MTF1: variants seen among roughly 807,000 people sequenced by gnomAD.
MTF1 encodes the protein MRE-binding transcription factor.
MTF1 carries 22 observed loss-of-function variants against 70.4 expected under a neutral mutation model. That is an observed-to-expected ratio of 0.31 (90% CI 0.22 to 0.45). MTF1 has a LOEUF of 0.45. Among genes scored for constraint, MTF1 ranks in the 20% least tolerant of loss-of-function variants. MTF1 has a pLI of 1.00. For synonymous variants in MTF1, 333 were observed against 352.8 expected (o/e 0.94, Z 0.63); for missense variants, 649 against 922.0 (o/e 0.70, Z 3.83).
At chr1:37,844,880 T>C (rs1056860561) in intron 2 of MTF1, among the ~76,000 whole-genome samples, 1 of 152,208 alleles carries the variant, frequency 6.6e-6, no homozygotes, top group South Asian at 2.1e-4. Flanking sequence ...GGCATCCTAA[T>C]TATAGGTTTT....
chr1:37,823,839 A>T lies in MTF1; in HGVS notation c.1069-27T>A, dbSNP rs1371715147. On this transcript the variant is annotated intron_variant, in intron 7 of 10. Transcript: ENST00000373036. ...TGATGGAGAGAGACAAAGATGTGAG[A>T]TTGGCCATCTTGAGACAATTCTTCA... is the stretch of plus-strand genomic sequence containing the variant. 2.6e-6 allele frequency: 4 copies of T among 1,544,010 alleles called. No individual in the cohort carries two copies. The Middle Eastern group carries it at 6.7e-4, about 260-fold the overall frequency.
At chr1:37,827,123 C>T (rs1641013992) in intron 7 of MTF1, among the ~76,000 whole-genome samples, 1 of 152,082 alleles carries the variant, frequency 6.6e-6, no homozygotes, top group Non-Finnish European at 1.5e-5. Flanking sequence ...ATATTATATA[C>T]ATATCCATAT....
chr1:37,831,880 G>A (rs1224642109), intron 7 of MTF1, among the ~76,000 whole-genome samples: 1 of 152,138 alleles, frequency 6.6e-6, no homozygotes, highest in Non-Finnish European at 1.5e-5. Context: ...CTAGAATTCT[G>A]GTTATGTCTT....
At chr1:37,827,366 A>T (rs1378276003) in intron 7 of MTF1, among the ~76,000 whole-genome samples, 1 of 140,914 alleles carries the variant, frequency 7.1e-6, no homozygotes, top group Non-Finnish European at 1.6e-5. Flanking sequence ...TATTATTATT[A>T]TTATTATTTG....
At chr1:37,850,151 C>A (rs779145844) in intron 2 of MTF1, among the ~76,000 whole-genome samples, 1 of 143,476 alleles carries the variant, frequency 7.0e-6, no homozygotes, top group African/African-American at 2.6e-5. Flanking sequence ...GGTGGCAGGA[C>A]GGCTTGAGCC....
rs115476368 is a variant in MTF1 at position 37,834,897 on chromosome 1, A to G, written c.990+182T>C. On this transcript the variant is annotated intron_variant, in intron 6 of 10. Transcript: ENST00000373036. Reference sequence around the variant, plus strand: ...ATGTTAAGTTTGACAAGAGTAGATGATATCTGGGTGAAGACGTCGAGTAGG... The same window carrying G: ...ATGTTAAGTTTGACAAGAGTAGATGGTATCTGGGTGAAGACGTCGAGTAGG... 8.1e-3 allele frequency among the ~76,000 whole-genome samples: 1,231 copies of G among 152,356 alleles called. 8 individuals are homozygous for G. Among genetic ancestry groups the G allele is most frequent in the Non-Finnish European group, 0.013 (891 of 68,032 alleles).
chr1:37,818,522 G>C (rs181397866), intron 9 of MTF1, among the ~76,000 whole-genome samples: 78 of 151,740 alleles, frequency 5.1e-4, no homozygotes, highest in African/African-American at 1.9e-3. Flanking sequence ...AGCTAACATA[G>C]TGAAACTCCA....
At chr1:37,835,876 C>A in intron 4 of MTF1, 132 bp from the exon 5 acceptor site, 1 of 675,130 alleles carries the variant, frequency 1.5e-6, no homozygotes, top group South Asian at 1.6e-5. Flanking sequence ...TCTTGGCTCA[C>A]TGCAAGCTCC....
intron 2 of MTF1, among the ~76,000 whole-genome samples, chr1:37,843,661 TA>T (rs1318398861): frequency 1.3e-5 from 2 of 152,226 alleles, no homozygotes; most frequent in Non-Finnish European, 2.9e-5. Flanking sequence ...TTATGGACAC[TA>T]AAATTTGAAT....
intron 9 of MTF1, among the ~76,000 whole-genome samples, chr1:37,818,791 G>A (rs1358906543): frequency 6.6e-6 from 1 of 151,390 alleles, no homozygotes; most frequent in Non-Finnish European, 1.5e-5. Flanking sequence ...TCAGGAGATC[G>A]AGACCATCCT....
intron 1 of MTF1, among the ~76,000 whole-genome samples, chr1:37,858,829 T>A (rs1456752235): frequency 1.3e-5 from 2 of 152,254 alleles, no homozygotes; most frequent in East Asian, 3.8e-4. Flanking sequence ...GGAATAGTGA[T>A]TCTTCCTTCA....
Position 37,811,575 on chromosome 1 carries a change from C to G in MTF1, c.*3561G>C, listed in dbSNP as rs751525526. 6.6e-6 allele frequency: 1 copy of G among 152,148 alleles called. No individual in the cohort carries two copies. The highest frequency in any genetic ancestry group is 1.5e-5 in the Non-Finnish European group (1 of 68,016). 9.4% of individuals were successfully genotyped at this position (152,148 alleles called of 1,614,324 possible). ...AAAGTGCTTTTTTATTTTATTATTT[C>G]TTTAATATACCAATATGAGGTTCTG... On this transcript the variant is annotated 3_prime_UTR_variant, in exon 11 of 11. Coordinates refer to ENST00000373036, the MANE Select transcript of MTF1 (RefSeq NM_005955.3).
chr1:37,833,527 A>G (rs1641119459), intron 6 of MTF1, among the ~76,000 whole-genome samples: 1 of 152,230 alleles, frequency 6.6e-6, no homozygotes, highest in Admixed American at 6.5e-5. Flanking sequence ...CTATTCATGC[A>G]CACACTCAAC....
intron 3 of MTF1, among the ~76,000 whole-genome samples, chr1:37,839,614 G>A (rs1008375418): frequency 6.6e-6 from 1 of 152,174 alleles, no homozygotes; most frequent in African/African-American, 2.4e-5. Flanking sequence ...AGTACTCTAT[G>A]CCAAGCACTG....
intron 7 of MTF1, among the ~76,000 whole-genome samples, chr1:37,827,673 T>G (rs1211806117): frequency 6.6e-6 from 1 of 152,230 alleles, no homozygotes; most frequent in Non-Finnish European, 1.5e-5. Flanking sequence ...CCCAAAGTGC[T>G]GGGATTACAG....
chr1:37,829,410 C>T (rs1207355137), intron 7 of MTF1, among the ~76,000 whole-genome samples: 1 of 152,122 alleles, frequency 6.6e-6, no homozygotes, highest in Non-Finnish European at 1.5e-5. Context: ...AAGCCATCCA[C>T]CCACCTCTGC....
chr1:37,858,728 GACATGGCTACCTACTCTCTCGTGA>G (rs1393173487), intron 1 of MTF1, among the ~76,000 whole-genome samples: 4 of 152,188 alleles, frequency 2.6e-5, no homozygotes, highest in Admixed American at 2.6e-4. Context: ...ATGACTGAAA[GACATGGCTACCTACTCTCTCGTGA>G]AGATATACTA....
Position 37,815,616 on chromosome 1 carries a change from A to T in MTF1, c.1832-50T>A. On this transcript the variant is annotated intron_variant, in intron 10 of 10. Transcript: ENST00000373036. This position sits in a 1 kb window ranked among gnomAD's most constrained non-coding sequence, Gnocchi z 4.5. ...CTCTTCAAGTAGCTGCAGGGGCAGG[A>T]GCATGAGGGACAGGGATACATGGAC... 1 of 1,411,018 alleles carries T rather than the reference A, an allele frequency of 7.1e-7. No homozygotes were observed. Among genetic ancestry groups the T allele is most frequent in the Non-Finnish European group, 9.6e-7 (1 of 1,038,974 alleles). The allele number at this position is 1,411,018 out of a possible 1,614,324, so 87.4% of individuals were successfully genotyped here. A position where few individuals can be genotyped will look rare whatever the true frequency, so the allele number is the denominator to read the frequency against.
rs763114751 is a variant in MTF1, at chr1:37,823,704, A to G, written c.1171+6T>C. ...GATGTGAGTAGAAAGAGTCCGTGTG[A>G]CAAACCTGTCTGTTGAGGATCTTCC... On this transcript the variant is annotated splice_donor_region_variant and intron_variant, in intron 8 of 10. Coordinates refer to ENST00000373036, the MANE Select transcript of MTF1 (RefSeq NM_005955.3). 3 of 1,607,524 alleles carry G rather than the reference A, an allele frequency of 1.9e-6. 1 individual carries two copies. Among genetic ancestry groups the G allele is most frequent in the Non-Finnish European group, 2.6e-6 (3 of 1,174,020 alleles).
Sources: allele counts gnomAD v4.1 joint callset (sites outside exome capture counted in the v4.1 genomes callset), GRCh38; gene constraint gnomAD v4.1.1; non-coding constraint Gnocchi (gnomAD v3.1); transcripts MANE v1.5; gene names NCBI Gene and HGNC (gene_info 2026-07-23, HGNC 2026-07-21).